The following BRCA2 variants were observed in gnomAD, a reference collection of about 807,000 sequenced individuals.
BRCA2 encodes the protein breast cancer type 2 susceptibility protein.
In BRCA2, 203 loss-of-function variants were observed where a neutral mutation model predicts 276.7. The observed-to-expected ratio is 0.73, with a 90% CI of 0.65 to 0.82. The LOEUF (loss-of-function observed/expected upper bound fraction) is 0.82. Among genes scored for constraint, BRCA2 ranks in the 40% least tolerant of loss-of-function variants. The pLI is 0.00. For synonymous variants in BRCA2, 1,289 were observed against 1,338.4 expected (o/e 0.96, Z 0.81); for missense variants, 3,920 against 3,915.0 (o/e 1.00, Z -0.03).
intron 9 of BRCA2, 85 bp from the exon 10 acceptor site, chr13:32,332,185 AAC>A (rs1278749151): frequency 9.8e-5 from 126 of 1,289,014 alleles, no homozygotes; most frequent in Non-Finnish European, 1.3e-4. Context: ...ATTCTACATA[AAC>A]TGTTTCTATG....
chr13:32,346,925 C>G (rs2137542023), intron 13 of BRCA2, 29 bp downstream of exon 13: 1 of 1,534,838 alleles, frequency 6.5e-7, no homozygotes, highest in Non-Finnish European at 9.0e-7. Flanking sequence ...TTTCTAAATT[C>G]TAATACAGTA....
Position 32,338,036 on chromosome 13 carries a change from G to C in BRCA2, c.3681G>C (p.Leu1227=), listed in dbSNP as rs758007548. ...RGFYSAHGTK[L]NVSTEALQKA... Reference sequence around the variant, plus strand: ...TTTATTCTGCTCATGGCACAAAACTGAATGTTTCTACTGAAGCTCTGCAAA... The same window carrying C: ...TTTATTCTGCTCATGGCACAAAACTCAATGTTTCTACTGAAGCTCTGCAAA... The change falls in exon 11 of 27, where the codon CTG becomes CTC. Residue 1227 remains leucine, a synonymous_variant. Transcript: ENST00000380152. 4.3e-6 allele frequency: 7 copies of C among 1,611,766 alleles called. No individual in the cohort carries two copies. In the African/African-American group the frequency reaches 9.4e-5, roughly 22 times the overall value.
At position 32,336,708 on chromosome 13, in the gene BRCA2, A is replaced by G. The variant is rs747748537; in HGVS notation, c.2353A>G (p.Ile785Val). 19 of 1,613,924 alleles carry G rather than the reference A, an allele frequency of 1.2e-5. No individual in the cohort carries two copies. The South Asian group carries it at 1.9e-4, about 16-fold the overall frequency. ...GGATGTTCTGTCAAACCTAGTCATG[A>G]TTTCTAGAGGCAAAGAATCATACAA... ...SKDVLSNLVM[I>V]SRGKESYKMS... is the part of the protein sequence containing the mutation. The change falls in exon 11 of 27, where the codon ATT (isoleucine) becomes GTT (valine). Residue 785 changes from isoleucine (I) to valine (V), a missense_variant. Physicochemically the swap from Ile to Val is conservative, Grantham distance 29 (BLOSUM62 3). Transcript: ENST00000380152.
intron 24 of BRCA2, among the ~76,000 whole-genome samples, chr13:32,387,773 G>T (rs1369598549): frequency 6.6e-6 from 1 of 152,194 alleles, no homozygotes; most frequent in Non-Finnish European, 1.5e-5. Flanking sequence ...TTTCTTATAA[G>T]TGCAGAGAAG....
chr13:32,343,877 C>G (rs2072590990), intron 11 of BRCA2, among the ~76,000 whole-genome samples: 1 of 152,032 alleles, frequency 6.6e-6, no homozygotes, highest in Non-Finnish European at 1.5e-5. Flanking sequence ...CTAACACCTC[C>G]TAAAGCCTTG....
At chr13:32,377,665 T>A (rs926430353) in intron 21 of BRCA2, among the ~76,000 whole-genome samples, 1 of 152,056 alleles carries the variant, frequency 6.6e-6, no homozygotes, top group African/African-American at 2.4e-5. Context: ...TATATAAAAG[T>A]TCCATATAAA....
chr13:32,366,021 T>G (rs2072779481), intron 18 of BRCA2, among the ~76,000 whole-genome samples: 1 of 152,052 alleles, frequency 6.6e-6, no homozygotes, highest in African/African-American at 2.4e-5. Flanking sequence ...TTCTAATTCT[T>G]TATTAATATG....
At chr13:32,377,956 C>T (rs1327496620) in intron 21 of BRCA2, among the ~76,000 whole-genome samples, 2 of 152,008 alleles carry the variant, frequency 1.3e-5, no homozygotes, top group African/African-American at 2.4e-5. Context: ...AGTAGAATTC[C>T]CTCCTGTTCC....
intron 18 of BRCA2, among the ~76,000 whole-genome samples, chr13:32,367,305 G>A (rs1055502877): frequency 3.3e-5 from 5 of 151,768 alleles, no homozygotes; most frequent in East Asian, 1.9e-4. Flanking sequence ...GCCTGGGGGC[G>A]GGTGTCTGTA....
At chr13:32,393,694 G>A (rs890024501) in intron 24 of BRCA2, among the ~76,000 whole-genome samples, 6 of 152,012 alleles carry the variant, frequency 3.9e-5, no homozygotes, top group African/African-American at 1.2e-4. Flanking sequence ...TGCTAGATAG[G>A]CTCATTACTT....
intron 24 of BRCA2, among the ~76,000 whole-genome samples, chr13:32,388,872 T>C (rs2072979413): frequency 1.3e-5 from 2 of 152,320 alleles, no homozygotes; most frequent in Admixed American, 1.3e-4. Flanking sequence ...TGTCCATTGA[T>C]TGGATATTTA....
At position 32,340,636 on chromosome 13, in the gene BRCA2, A is replaced by C. The variant is rs397507838; in HGVS notation, c.6281A>C (p.Tyr2094Ser). ...ATCAGAACTGAGCATAGTCTTCACT[A>C]TTCACCTACGTCTAGACAAAATGTA... Reference protein sequence around the residue: ...DLIRTEHSLHYSPTSRQNVSK... With the variant: ...DLIRTEHSLHSSPTSRQNVSK... The change falls in exon 11 of 27, where the codon TAT (tyrosine) becomes TCT (serine). Residue 2094 changes from tyrosine to serine, a missense_variant. Transcript: ENST00000380152. The C allele has an allele frequency of 6.2e-7, 1 of 1,606,892 alleles. No individual in the cohort carries two copies. The highest frequency in any genetic ancestry group is 1.7e-4 in the Middle Eastern group (1 of 6,012).
chr13:32,323,903 A>T (rs1048727746), intron 3 of BRCA2, among the ~76,000 whole-genome samples: 1 of 152,216 alleles, frequency 6.6e-6, no homozygotes, highest in Non-Finnish European at 1.5e-5. Flanking sequence ...AAAAACTGTA[A>T]ATTGGATTTC....
Position 32,339,901 on chromosome 13 carries a change from G to A in BRCA2, c.5546G>A (p.Gly1849Asp), listed in dbSNP as rs764527357. ...CCACCTGCATTTAGGATAGCCAGTG[G>A]TAAAATCGTTTGTGTTTCACATGAA... ...VGPPAFRIAS[G>D]KIVCVSHETI... Residue 1849 changes from glycine (G) to aspartate (D), a missense_variant, in exon 11 of 27, where the codon GGT becomes GAT. By Grantham distance (94) the Gly-to-Asp change is moderately conservative. Coordinates refer to ENST00000380152, the MANE Select transcript of BRCA2 (RefSeq NM_000059.4). The A allele has an allele frequency of 1.2e-6, 2 of 1,609,212 alleles. No homozygotes were observed. Among genetic ancestry groups the A allele is most frequent in the Non-Finnish European group, 8.5e-7 (1 of 1,177,402 alleles).
rs765924757 is a variant in BRCA2 at position 32,333,294 on chromosome 13, C to A, written c.1816C>A (p.Pro606Thr). The part of the protein sequence containing the change: ...DETSYKGKKI[P>T]KDQKSELINC... Reference sequence around the variant, plus strand: ...AACATCTTATAAAGGAAAAAAAATACCGAAAGACCAAAAATCAGAACTAAT... The same window carrying A: ...AACATCTTATAAAGGAAAAAAAATAACGAAAGACCAAAAATCAGAACTAAT... Residue 606 changes from proline to threonine, a missense_variant, in exon 10 of 27, where the codon CCG becomes ACG. Physicochemically the swap from Pro to Thr is conservative, Grantham distance 38 (BLOSUM62 -1). Coordinates refer to ENST00000380152, the MANE Select transcript of BRCA2 (RefSeq NM_000059.4). The A allele has an allele frequency of 6.2e-7, 1 of 1,605,136 alleles. No individual in the cohort carries two copies. Among genetic ancestry groups the A allele is most frequent in the Non-Finnish European group, 8.5e-7 (1 of 1,177,550 alleles).
Position 32,340,885 on chromosome 13 carries a change from T to A in BRCA2, c.6530T>A (p.Ile2177Asn), listed in dbSNP as rs1060502462. ...ACCAAAGTGTCACTTGTTGAGAACATTCATGTTTTGGGAAAAGAACAGGCT... is the reference window on the plus strand; with the variant it reads ...ACCAAAGTGTCACTTGTTGAGAACAATCATGTTTTGGGAAAAGAACAGGCT... ...LGTKVSLVEN[I>N]HVLGKEQASP... The change falls in exon 11 of 27, where the codon ATT becomes AAT. Residue 2177 changes from isoleucine to asparagine, a missense_variant. Coordinates refer to ENST00000380152, the MANE Select transcript of BRCA2 (RefSeq NM_000059.4). 3 of 1,606,004 alleles carry A rather than the reference T, an allele frequency of 1.9e-6. No homozygotes were observed. The highest frequency in any genetic ancestry group is 2.3e-5 in the South Asian group (2 of 88,502).
Position 32,336,943 on chromosome 13 carries a change from A to G in BRCA2, c.2588A>G (p.Asn863Ser), listed in dbSNP as rs760880622. Reference sequence around the variant, plus strand: ...ACAAATCTAAGAGTAATCCAAAAAAATCAAGAAGAAACTACTTCAATTTCA... The same window carrying G: ...ACAAATCTAAGAGTAATCCAAAAAAGTCAAGAAGAAACTACTTCAATTTCA... ...QNTNLRVIQKNQEETTSISKI... is the reference protein window; with the variant it reads ...QNTNLRVIQKSQEETTSISKI... Residue 863 changes from asparagine to serine, a missense_variant, in exon 11 of 27, where the codon AAT (asparagine) becomes AGT (serine). By Grantham distance (46) the Asn-to-Ser change is conservative. This residue lies in a region of BRCA2 where 3,263 missense variants were observed against 3,156.9 expected (regional missense o/e 1.03). Transcript: ENST00000380152. 1.3e-6 allele frequency: 2 copies of G among 1,589,540 alleles called. No homozygotes were observed. The highest frequency in any genetic ancestry group is 2.7e-5 in the African/African-American group (2 of 73,276).
intron 20 of BRCA2, among the ~76,000 whole-genome samples, chr13:32,375,787 G>A (rs1025216137): frequency 1.6e-4 from 24 of 151,912 alleles, no homozygotes; most frequent in African/African-American, 5.3e-4. Flanking sequence ...CACGAACTCC[G>A]GACCTCAGGT....
Position 32,319,259 on chromosome 13 carries a change from C to G in BRCA2, c.250C>G (p.Gln84Glu), listed in dbSNP as rs80358515. The G allele has an allele frequency of 1.2e-6, 2 of 1,613,784 alleles. No individual in the cohort carries two copies. The highest frequency in any genetic ancestry group is 4.5e-5 in the East Asian group (2 of 44,874). The change falls in exon 3 of 27, where the codon CAA becomes GAA. Residue 84 changes from glutamine (Q) to glutamate (E), a missense_variant. Physicochemically the swap from Gln to Glu is conservative, Grantham distance 29. Transcript: ENST00000380152. ...TTCAACTCCAATAATATTCAAAGAG[C>G]AAGGGCTGACTCTGCCGCTGTACCA... ...LASTPIIFKE[Q>E]GLTLPLYQSP...
Sources: gnomAD v4.1 joint callset for allele counts (sites outside exome capture counted in the v4.1 genomes callset) on GRCh38, gnomAD v4.1.1 for gene constraint, gnomAD v4.1.1 regional missense constraint, MANE v1.5 for transcripts, NCBI Gene and HGNC (gene_info 2026-07-23, HGNC 2026-07-21) for gene names.